The following ERLEC1 variants were observed in gnomAD, a reference collection of about 807,000 sequenced individuals.
ERLEC1 encodes ER lectin.
ERLEC1 carries 47 observed loss-of-function variants against 68.0 expected under a neutral mutation model. That is an observed-to-expected ratio of 0.69 (90% CI 0.55 to 0.88). ERLEC1 has a LOEUF of 0.88. Ranked by LOEUF, ERLEC1 falls within the 40% of genes least tolerant of loss-of-function variation. The pLI is 0.00. For missense variants in ERLEC1, 567 were observed against 583.8 expected, an observed-to-expected ratio of 0.97 and a Z score of 0.30; for synonymous variants, 225 against 203.2, an observed-to-expected ratio of 1.11 and a Z score of -0.91.
At chr2:53,799,206 G>A in intron 6 of ERLEC1, 125 bp downstream of exon 6, 1 of 775,394 alleles carries the variant, frequency 1.3e-6, no homozygotes, top group East Asian at 2.8e-5. Context: ...TACCTTGAAG[G>A]ACTGGGTCAA....
chr2:53,797,849 A>G (rs906654904), intron 5 of ERLEC1, 54 bp downstream of exon 5: 1 of 1,409,010 alleles, frequency 7.1e-7, no homozygotes, highest in African/African-American at 1.4e-5. Context: ...TTTAAAATAT[A>G]TGTTCAAAAT....
At chr2:53,801,965 T>C in intron 8 of ERLEC1, 123 bp downstream of exon 8, 1 of 729,826 alleles carries the variant, frequency 1.4e-6, no homozygotes, top group South Asian at 2.0e-5. Flanking sequence ...CCCAACCTTT[T>C]GAATTTCATT....
chr2:53,818,301 T>A lies in ERLEC1; in HGVS notation c.*332T>A, dbSNP rs1677007187. 5.8e-6 allele frequency: 1 copy of A among 171,158 alleles called. No homozygotes were observed. The highest frequency in any genetic ancestry group is 2.4e-5 in the African/African-American group (1 of 42,224). 10.6% of individuals were successfully genotyped at this position (171,158 alleles called of 1,614,324 possible). A position where few individuals can be genotyped will look rare whatever the true frequency, so the allele number is the denominator to read the frequency against. On this transcript the variant is annotated 3_prime_UTR_variant, in exon 14 of 14. Transcript: ENST00000185150. ...CATAATTGTTGTACCTATTGAAAGTTTTTAAATAATAGATTTATTATGTAA... is the reference window on the plus strand; with the variant it reads ...CATAATTGTTGTACCTATTGAAAGTATTTAAATAATAGATTTATTATGTAA...
At chr2:53,794,895 T>C (rs1378102092) in intron 2 of ERLEC1, among the ~76,000 whole-genome samples, 2 of 151,992 alleles carry the variant, frequency 1.3e-5, no homozygotes, top group Admixed American at 1.3e-4. Context: ...CCTCATGATC[T>C]GCCCACCTCG....
rs1677010082 is a variant in ERLEC1, at chr2:53,818,368, A to AG, written c.*400dup. 2 of 155,106 alleles carry AG rather than the reference A, an allele frequency of 1.3e-5. No individual in the cohort carries two copies. Among genetic ancestry groups the AG allele is most frequent in the Non-Finnish European group, 2.9e-5 (2 of 69,750 alleles). The allele number at this position is 155,106 out of a possible 1,614,324, so 9.6% of individuals were successfully genotyped here. A position where few individuals can be genotyped will look rare whatever the true frequency, so the allele number is the denominator to read the frequency against. ...GTAGCTAATGAAGTAAAGATCATGAAGAAAGAAATTGATAGGTGTAAATGA... is the reference window on the plus strand; with the variant it reads ...GTAGCTAATGAAGTAAAGATCATGAAGGAAAGAAATTGATAGGTGTAAATGA... On this transcript the variant is annotated 3_prime_UTR_variant, in exon 14 of 14. Coordinates refer to ENST00000185150, the MANE Select transcript of ERLEC1 (RefSeq NM_015701.5).
intron 8 of ERLEC1, among the ~76,000 whole-genome samples, chr2:53,804,811 C>T (rs769351707): frequency 8.5e-5 from 13 of 152,136 alleles, no homozygotes; most frequent in Non-Finnish European, 1.3e-4. Flanking sequence ...CCTCCCACTA[C>T]CCTTCCCAGC....
rs542730188 is a variant in ERLEC1 at position 53,810,578 on chromosome 2, G to A, written c.1101+1305G>A. ...CTAGCTGCTTTAAAAGGCCATTTTCGTTATCTAAAAAAGAAAATAATACCC... is the reference window on the plus strand; with the variant it reads ...CTAGCTGCTTTAAAAGGCCATTTTCATTATCTAAAAAAGAAAATAATACCC... On this transcript the variant is annotated intron_variant, in intron 10 of 13. Transcript: ENST00000185150. Among the ~76,000 whole-genome samples the A allele has an allele frequency of 2.0e-5, 3 of 152,034 alleles. No individual in the cohort carries two copies. In the South Asian group the frequency reaches 6.2e-4, roughly 32 times the overall value.
chr2:53,796,246 G>GTTTTTTTT (rs200295316), intron 3 of ERLEC1, among the ~76,000 whole-genome samples: 7 of 126,466 alleles, frequency 5.5e-5, no homozygotes, highest in Admixed American at 7.9e-5. Context: ...TGATGGGTTG[G>GTTTTTTTT]TTTTTTTTTT....
chr2:53,803,895 G>A (rs1009063697), intron 8 of ERLEC1, among the ~76,000 whole-genome samples: 22 of 152,216 alleles, frequency 1.4e-4, no homozygotes, highest in Admixed American at 4.6e-4. Flanking sequence ...TTGGGAGGCC[G>A]AGGCAGTCAG....
At chr2:53,809,446 A>C (rs2104327435) in intron 10 of ERLEC1, among the ~76,000 whole-genome samples, 173 bp downstream of exon 10, 1 of 152,368 alleles carries the variant, frequency 6.6e-6, no homozygotes. Context: ...GCATTAACCA[A>C]ATCGGTAACC....
chr2:53,801,738 A>G lies in ERLEC1; in HGVS notation c.775A>G (p.Ile259Val), dbSNP rs780411050. ...YRFRASPVNDIFCQSLPGSPF... is the reference protein window; with the variant it reads ...YRFRASPVNDVFCQSLPGSPF... ...GTTCAGAGCATCTCCTGTGAATGACATATTTTGTCAATCACTGCCAGGATC... is the reference window on the plus strand; with the variant it reads ...GTTCAGAGCATCTCCTGTGAATGACGTATTTTGTCAATCACTGCCAGGATC... Residue 259 changes from isoleucine (I) to valine (V), a missense_variant, in exon 8 of 14, where the codon ATA (isoleucine) becomes GTA (valine). Ile to Val is a conservative substitution (Grantham distance 29). Transcript: ENST00000185150. 1.1e-5 allele frequency: 17 copies of G among 1,614,014 alleles called. No homozygotes were observed. Among genetic ancestry groups the G allele is most frequent in the African/African-American group, 6.7e-5 (5 of 74,934 alleles).
At chr2:53,808,555 C>A in intron 9 of ERLEC1, 95 bp downstream of exon 9, 1 of 1,250,990 alleles carries the variant, frequency 8.0e-7, no homozygotes, top group Non-Finnish European at 1.1e-6. Context: ...GAATTTTTCT[C>A]TAGAGAAATG....
Position 53,787,334 on chromosome 2 carries a change from C to T in ERLEC1, c.124C>T (p.Pro42Ser). 6.2e-7 allele frequency: 1 copy of T among 1,611,936 alleles called. No individual in the cohort carries two copies. The highest frequency in any genetic ancestry group is 8.5e-7 in the Non-Finnish European group (1 of 1,179,894). Residue 42 changes from proline (P) to serine (S), a missense_variant, in exon 1 of 14, where the codon CCT becomes TCT. By Grantham distance (74) the Pro-to-Ser change is moderately conservative (BLOSUM62 -1). Coordinates refer to ENST00000185150, the MANE Select transcript of ERLEC1 (RefSeq NM_015701.5). Reference sequence around the variant, plus strand: ...CCTTCCTCAACTCAGCGATGACATCCCTTTCCGAGTCAACTGGCCCGGCAC... The same window carrying T: ...CCTTCCTCAACTCAGCGATGACATCTCTTTCCGAGTCAACTGGCCCGGCAC... ...RALPQLSDDI[P>S]FRVNWPGTEF...
intron 6 of ERLEC1, among the ~76,000 whole-genome samples, 166 bp from the exon 7 acceptor site, chr2:53,801,231 C>T (rs1455499304): frequency 1.3e-5 from 2 of 152,024 alleles, no homozygotes; most frequent in Non-Finnish European, 2.9e-5. Flanking sequence ...TAAAAACTTA[C>T]GAATCAAAAT....
chr2:53,795,252 G>A (rs927367192), intron 2 of ERLEC1, among the ~76,000 whole-genome samples: 1 of 152,194 alleles, frequency 6.6e-6, no homozygotes, highest in Non-Finnish European at 1.5e-5. Context: ...CTAGGAGCCA[G>A]GAGGCTGAGG....
chr2:53,818,101 T>G lies in ERLEC1; in HGVS notation c.*132T>G. Reference sequence around the variant, plus strand: ...TGGTATAAAATGACTCTCAACCACTTTGTGAATACATATGTGTATATAAGA... The same window carrying G: ...TGGTATAAAATGACTCTCAACCACTGTGTGAATACATATGTGTATATAAGA... On this transcript the variant is annotated 3_prime_UTR_variant, in exon 14 of 14. Coordinates refer to ENST00000185150, the MANE Select transcript of ERLEC1 (RefSeq NM_015701.5). 1 of 622,022 alleles carries G rather than the reference T, an allele frequency of 1.6e-6. No homozygotes were observed. The highest frequency in any genetic ancestry group is 1.9e-5 in the South Asian group (1 of 51,590). 38.5% of individuals were successfully genotyped at this position (622,022 alleles called of 1,614,324 possible).
chr2:53,791,999 C>A (rs1331500828), intron 1 of ERLEC1, among the ~76,000 whole-genome samples: 1 of 151,922 alleles, frequency 6.6e-6, no homozygotes, highest in Non-Finnish European at 1.5e-5. Flanking sequence ...GCAAGCTCCG[C>A]CTCCCGGGTT....
chr2:53,818,147 G>T lies in ERLEC1; in HGVS notation c.*178G>T. 1 of 451,204 alleles carries T rather than the reference G, an allele frequency of 2.2e-6. No homozygotes were observed. Among genetic ancestry groups the T allele is most frequent in the Non-Finnish European group, 4.0e-6 (1 of 252,082 alleles). The allele number at this position is 451,204 out of a possible 1,614,324, so 28.0% of individuals were successfully genotyped here. A position where few individuals can be genotyped will look rare whatever the true frequency, so the allele number is the denominator to read the frequency against. Reference sequence around the variant, plus strand: ...TAAGAGGTTATTGATAAACTTCTGAGGCAGACATTTGTCTCGCTTTTTTTC... The same window carrying T: ...TAAGAGGTTATTGATAAACTTCTGATGCAGACATTTGTCTCGCTTTTTTTC... On this transcript the variant is annotated 3_prime_UTR_variant, in exon 14 of 14. Coordinates refer to ENST00000185150, the MANE Select transcript of ERLEC1 (RefSeq NM_015701.5).
At position 53,811,494 on chromosome 2, in the gene ERLEC1, ACCTGGAACTTTCTAGGGAACTC is replaced by A. The variant is rs148231774; in HGVS notation, c.1102-1454_1102-1433del. ...AACGTATTTTAGCCAAGGTTGCATA[ACCTGGAACTTTCTAGGGAACTC>A]TGTTAGGTGTTTAGAGAGATACTAA... On this transcript the variant is annotated intron_variant, in intron 10 of 13. Coordinates refer to ENST00000185150, the MANE Select transcript of ERLEC1 (RefSeq NM_015701.5). Among the ~76,000 whole-genome samples, 1,443 of 152,288 alleles carry A rather than the reference ACCTGGAACTTTCTAGGGAACTC, an allele frequency of 9.5e-3. 19 individuals carry two copies. Among genetic ancestry groups the A allele is most frequent in the African/African-American group, 0.033 (1,369 of 41,560 alleles).
Sources: allele counts gnomAD v4.1 joint callset (sites outside exome capture counted in the v4.1 genomes callset), GRCh38; gene constraint gnomAD v4.1.1; transcripts MANE v1.5; gene names NCBI Gene and HGNC (gene_info 2026-07-23, HGNC 2026-07-21).